The following MANBA variants were observed in gnomAD, a reference collection of about 807,000 sequenced individuals.
MANBA encodes the protein mannosidase beta, also known as beta-mannosidase.
In MANBA, 83 loss-of-function variants were observed where a neutral mutation model predicts 111.1. The observed-to-expected ratio is 0.75, with a 90% confidence interval of 0.63 to 0.90. MANBA has a LOEUF of 0.90. Among genes scored for constraint, MANBA ranks in the 40% least tolerant of loss-of-function variants. The pLI is 0.00. For synonymous variants in MANBA, 370 were observed against 378.7 expected (o/e 0.98, Z 0.27); for missense variants, 1,036 against 1,069.0 (o/e 0.97, Z 0.43).
In MANBA at chr4:102,697,573, G is replaced by C. The variant is rs1372428499; in HGVS notation, c.674-6802C>G. Among the ~76,000 whole-genome samples the C allele has an allele frequency of 8.6e-4, 116 of 134,680 alleles. 1 individual carries two copies. Among genetic ancestry groups the C allele is most frequent in the African/African-American group, 3.2e-3 (113 of 35,394 alleles). The allele number at this position is 134,680 out of a possible 152,430, so 88.4% of individuals were successfully genotyped here. A position where few individuals can be genotyped will look rare whatever the true frequency, so the allele number is the denominator to read the frequency against. On this transcript the variant is annotated intron_variant, in intron 5 of 16. Transcript: ENST00000647097. The stretch of plus-strand genomic sequence containing the variant: ...CTTCCTGTGTCCATGTGTTCTCATT[G>C]TTCAATTCCCACCTATGAGTGAGAA...
intron 7 of MANBA, among the ~76,000 whole-genome samples, chr4:102,683,176 G>GA (rs201025626): frequency 7.8e-4 from 97 of 124,486 alleles, no homozygotes; most frequent in South Asian, 3.4e-3. Context: ...CATTAAAAAA[G>GA]AAAAAAAAAA....
intron 1 of MANBA, chr4:102,729,649 A>G: frequency 7.2e-7 from 1 of 1,388,808 alleles, no homozygotes; most frequent in Non-Finnish European, 1.0e-6. Flanking sequence ...TTGTTCTTGA[A>G]GTCCTCCACC....
Position 102,751,807 on chromosome 4 carries a change from T to C in MANBA, c.177+8911A>G, listed in dbSNP as rs921658340. On this transcript the variant is annotated intron_variant, in intron 1 of 16. Coordinates refer to ENST00000647097, the MANE Select transcript of MANBA (RefSeq NM_005908.4). ...GAAAGAAAGTCAATAATGACAATTG[T>C]TGGACATAGGGATGTCTTAAAAGAT... 1.2e-5 allele frequency: 6 copies of C among 513,900 alleles called. No individual in the cohort carries two copies. The African/African-American group carries it at 1.2e-4, about 10-fold the overall frequency. The allele number at this position is 513,900 out of a possible 1,614,324, so 31.8% of individuals were successfully genotyped here.
intron 1 of MANBA, among the ~76,000 whole-genome samples, chr4:102,736,297 C>T (rs1171737634): frequency 1.3e-5 from 2 of 152,160 alleles, no homozygotes; most frequent in South Asian, 2.1e-4. Context: ...GTGTGTGCCT[C>T]GGCTAGTGAT....
chr4:102,632,010 G>A lies in MANBA; in HGVS notation c.*47C>T, dbSNP rs775979073. On this transcript the variant is annotated 3_prime_UTR_variant, in exon 17 of 17. Coordinates refer to ENST00000647097, the MANE Select transcript of MANBA (RefSeq NM_005908.4). Reference sequence around the variant, plus strand: ...GCCTTCCTCTCCAGTCGGTGCTTTAGAAATGCTTTATTCCCATTGTCCACT... The same window carrying A: ...GCCTTCCTCTCCAGTCGGTGCTTTAAAAATGCTTTATTCCCATTGTCCACT... The A allele has an allele frequency of 6.8e-7, 1 of 1,478,928 alleles. No individual in the cohort carries two copies. Among genetic ancestry groups the A allele is most frequent in the South Asian group, 1.1e-5 (1 of 88,266 alleles). The allele number at this position is 1,478,928 out of a possible 1,614,324, so 91.6% of individuals were successfully genotyped here.
rs999525389 is a variant in MANBA, at chr4:102,631,499, A to G, written c.*558T>C. 2 of 370,258 alleles carry G rather than the reference A, an allele frequency of 5.4e-6. No homozygotes were observed. The highest frequency in any genetic ancestry group is 4.5e-5 in the Admixed American group (1 of 22,266). The allele number at this position is 370,258 out of a possible 1,614,324, so 22.9% of individuals were successfully genotyped here. ...CCACAGATGAAATATCAAGTTGTCA[A>G]TGTAATTTATATAACTTTTATTTTT... On this transcript the variant is annotated 3_prime_UTR_variant, in exon 17 of 17. Transcript: ENST00000647097.
intron 14 of MANBA, 117 bp downstream of exon 14, chr4:102,639,596 T>C: frequency 1.5e-6 from 2 of 1,378,178 alleles, no homozygotes; most frequent in Non-Finnish European, 2.0e-6. Flanking sequence ...AAAGAATGAC[T>C]CTTTTGGTCA....
chr4:102,654,567 A>G (rs1730481064), intron 12 of MANBA, among the ~76,000 whole-genome samples: 1 of 152,236 alleles, frequency 6.6e-6, no homozygotes, highest in African/African-American at 2.4e-5. Context: ...ACTTTATACA[A>G]CTGATGCAGG....
chr4:102,728,675 T>C, intron 1 of MANBA: 1 of 578,466 alleles, frequency 1.7e-6, no homozygotes, highest in Non-Finnish European at 3.1e-6. Context: ...GGGTCTCACG[T>C]TCCCTGTGCT....
chr4:102,649,698 C>G (rs552072621), intron 13 of MANBA, among the ~76,000 whole-genome samples: 137 of 152,186 alleles, frequency 9.0e-4, no homozygotes, highest in African/African-American at 3.2e-3. Flanking sequence ...TGCCTTTTCT[C>G]TCTCTTAATG....
chr4:102,743,435 C>T (rs1723481929), intron 1 of MANBA, among the ~76,000 whole-genome samples: 1 of 152,202 alleles, frequency 6.6e-6, no homozygotes, highest in Non-Finnish European at 1.5e-5. Context: ...TGTAGTGCTG[C>T]AGCTATCCAC....
At chr4:102,707,456 G>A (rs1449907162) in intron 5 of MANBA, among the ~76,000 whole-genome samples, 1 of 152,044 alleles carries the variant, frequency 6.6e-6, no homozygotes, top group African/African-American at 2.4e-5. Context: ...GGAAGCAAAA[G>A]GACAATATCT....
At chr4:102,674,111 C>CT in intron 7 of MANBA, 41 bp from the exon 8 acceptor site, 10 of 1,476,358 alleles carry the variant, frequency 6.8e-6, no homozygotes, top group Non-Finnish European at 8.5e-6. Flanking sequence ...CAAATTTAAA[C>CT]ATAAGCAAAA....
At chr4:102,713,727 T>A (rs977867756) in intron 5 of MANBA, among the ~76,000 whole-genome samples, 19 of 151,736 alleles carry the variant, frequency 1.3e-4, no homozygotes, top group African/African-American at 4.6e-4. Flanking sequence ...AGAAACCCCA[T>A]CTCTACTAAA....
At chr4:102,685,200 C>G (rs139673659) in intron 7 of MANBA, among the ~76,000 whole-genome samples, 101 of 152,198 alleles carry the variant, frequency 6.6e-4, no homozygotes, top group Admixed American at 1.3e-3. Context: ...AATTAATGTT[C>G]TGTTTCTTGA....
intron 11 of MANBA, among the ~76,000 whole-genome samples, chr4:102,660,131 T>C (rs1376231285): frequency 1.3e-5 from 2 of 152,216 alleles, no homozygotes; most frequent in Non-Finnish European, 2.9e-5. Context: ...TAAAGCAGAA[T>C]TCTTTATTTA....
At chr4:102,750,014 G>GC (rs1723731034) in intron 1 of MANBA, among the ~76,000 whole-genome samples, 1 of 151,928 alleles carries the variant, frequency 6.6e-6, no homozygotes, top group African/African-American at 2.4e-5. Flanking sequence ...TAAACTATCT[G>GC]TTTTTTTTAA....
chr4:102,660,008 T>C (rs914427856), intron 11 of MANBA, among the ~76,000 whole-genome samples: 6 of 152,132 alleles, frequency 3.9e-5, no homozygotes, highest in Non-Finnish European at 7.4e-5. Context: ...GATGTTCTGA[T>C]TACTCCTAGC....
chr4:102,729,987 C>G (rs1722968596), intron 1 of MANBA: 1 of 894,678 alleles, frequency 1.1e-6, no homozygotes, highest in Non-Finnish European at 1.9e-6. Context: ...GGTGGTGATG[C>G]CACCCACGCT....
Sources: gnomAD v4.1 joint callset for allele counts (sites outside exome capture counted in the v4.1 genomes callset) on GRCh38, gnomAD v4.1.1 for gene constraint, MANE v1.5 for transcripts, NCBI Gene and HGNC (gene_info 2026-07-23, HGNC 2026-07-21) for gene names.